Variants in PRKG1 observed in about 807,000 individuals in gnomAD.
PRKG1 encodes protein kinase cGMP-dependent 1.
Under a neutral mutation model 88.1 loss-of-function variants are expected in PRKG1, and 35 were observed. The observed-to-expected ratio is 0.40, with a 90% CI of 0.30 to 0.53. PRKG1 has a LOEUF of 0.53. Ranked by LOEUF, PRKG1 falls within the 20% of genes least tolerant of loss-of-function variation. The pLI, the probability that PRKG1 is intolerant of heterozygous loss-of-function variation, is 0.59. For synonymous variants in PRKG1, 303 were observed against 292.5 expected, an observed-to-expected ratio of 1.04 and a Z score of -0.37; for missense variants, 540 against 839.8, an observed-to-expected ratio of 0.64 and a Z score of 4.41.
intron 3 of PRKG1, among the ~76,000 whole-genome samples, chr10:51,636,318 C>A (rs1201834991): frequency 6.6e-6 from 1 of 152,148 alleles, no homozygotes; most frequent in Non-Finnish European, 1.5e-5. Context: ...TATTCAAAAG[C>A]AAAACCATTG....
intron 3 of PRKG1, among the ~76,000 whole-genome samples, chr10:51,787,599 A>C (rs755464780): frequency 2.6e-5 from 4 of 152,114 alleles, no homozygotes; most frequent in Non-Finnish European, 4.4e-5. Context: ...GTGTATATTT[A>C]TACCTATCTT....
intron 4 of PRKG1, among the ~76,000 whole-genome samples, chr10:51,839,383 C>T (rs1840211614): frequency 6.6e-6 from 1 of 152,134 alleles, no homozygotes; most frequent in South Asian, 2.1e-4. Flanking sequence ...CCCATGCCCA[C>T]CCCACCTCTA....
intron 4 of PRKG1, among the ~76,000 whole-genome samples, chr10:51,859,343 C>T (rs1225135184): frequency 6.6e-6 from 1 of 150,822 alleles, no homozygotes; most frequent in African/African-American, 2.4e-5. Flanking sequence ...CACCTTAAGC[C>T]TTTTTCTTTC....
chr10:51,341,224 C>T (rs542072064), intron 2 of PRKG1, among the ~76,000 whole-genome samples: 32 of 152,026 alleles, frequency 2.1e-4, no homozygotes, highest in Non-Finnish European at 2.9e-4. Context: ...TTTTTAAAGG[C>T]AATTTCTGTG....
chr10:51,344,700 A>G (rs1454002915), intron 2 of PRKG1, among the ~76,000 whole-genome samples: 1 of 152,152 alleles, frequency 6.6e-6, no homozygotes, highest in Non-Finnish European at 1.5e-5. Flanking sequence ...TGTAATATAA[A>G]ATGGGAATTT....
At chr10:51,171,414 A>C (rs1846703346) in intron 2 of PRKG1, among the ~76,000 whole-genome samples, 1 of 152,132 alleles carries the variant, frequency 6.6e-6, no homozygotes, top group African/African-American at 2.4e-5. Context: ...CTGGTGGAGC[A>C]GCTGTACCTC....
At chr10:51,498,436 A>C (rs1361101555) in intron 3 of PRKG1, among the ~76,000 whole-genome samples, 3 of 152,220 alleles carry the variant, frequency 2.0e-5, no homozygotes, top group Non-Finnish European at 4.4e-5. Context: ...AGCAGGCACT[A>C]TCTGTCAAAG....
At chr10:51,942,951 C>T (rs1842942950) in intron 5 of PRKG1, among the ~76,000 whole-genome samples, 1 of 151,730 alleles carries the variant, frequency 6.6e-6, no homozygotes, top group Non-Finnish European at 1.5e-5. Context: ...GTTTTGGTTC[C>T]ATATGAATTT....
intron 7 of PRKG1, among the ~76,000 whole-genome samples, chr10:52,070,598 T>G (rs1846472104): frequency 6.6e-6 from 1 of 152,236 alleles, no homozygotes; most frequent in Non-Finnish European, 1.5e-5. Context: ...TCTCTCATTT[T>G]GTAACTTTTA....
chr10:51,444,230 A>G (rs892867753), intron 2 of PRKG1, among the ~76,000 whole-genome samples: 3 of 151,624 alleles, frequency 2.0e-5, no homozygotes, highest in African/African-American at 7.3e-5. Flanking sequence ...CAGTGAGGGC[A>G]TTTGCATGGA....
intron 2 of PRKG1, among the ~76,000 whole-genome samples, chr10:51,181,275 C>T (rs1253741595): frequency 1.8e-4 from 22 of 124,996 alleles, no homozygotes; most frequent in Non-Finnish European, 2.5e-4. Flanking sequence ...CGCTCTGTCG[C>T]CCAGGCCGGG....
At position 52,106,429 on chromosome 10, in the gene PRKG1, T is replaced by C. The variant is rs578027045; in HGVS notation, c.936-27411T>C. On this transcript the variant is annotated intron_variant, in intron 7 of 17. Transcript: ENST00000373980. ...CGTACTACCTCTGGCAACCTTTTCCTCCAGAAACTCACAGGTTGGTGAGAA... is the reference window on the plus strand; with the variant it reads ...CGTACTACCTCTGGCAACCTTTTCCCCCAGAAACTCACAGGTTGGTGAGAA... Among the ~76,000 whole-genome samples, 3 of 152,206 alleles carry C rather than the reference T, an allele frequency of 2.0e-5. No homozygotes were observed. The South Asian group carries it at 6.2e-4, about 32-fold the overall frequency.
intron 5 of PRKG1, among the ~76,000 whole-genome samples, chr10:52,045,492 A>G (rs1163510085): frequency 6.6e-6 from 1 of 152,118 alleles, no homozygotes; most frequent in Non-Finnish European, 1.5e-5. Flanking sequence ...TAAGTGAGGA[A>G]TGTTTCATCC....
Position 51,506,434 on chromosome 10 carries a change from A to T in PRKG1, c.592+38598A>T, listed in dbSNP as rs10997840. 2.4e-3 allele frequency among the ~76,000 whole-genome samples: 373 copies of T among 152,344 alleles called. 2 individuals are homozygous for T. Among genetic ancestry groups the T allele is most frequent in the South Asian group, 8.1e-3 (39 of 4,826 alleles). On this transcript the variant is annotated intron_variant, in intron 3 of 17. Transcript: ENST00000373980. The stretch of plus-strand genomic sequence containing the variant: ...GACAAAGGGCTAATATCCAGAAACT[A>T]CAATGAACTCAAACAGATTTACAAG...
intron 2 of PRKG1, among the ~76,000 whole-genome samples, chr10:51,428,624 T>C (rs1019015922): frequency 6.6e-6 from 1 of 152,188 alleles, no homozygotes; most frequent in East Asian, 1.9e-4. Context: ...TCTATAGCAT[T>C]TTTGCCTGGG....
rs559963373 is a variant in PRKG1, at chr10:51,276,391, T to C, written c.478+123061T>C. On this transcript the variant is annotated intron_variant, in intron 2 of 17. Coordinates refer to ENST00000373980, the MANE Select transcript of PRKG1 (RefSeq NM_006258.4). ...GTTGGACATTTGGGTTGGTTCCAAGTCTTTACTATTGTGAATAGTGCCGCA... is the reference window on the plus strand; with the variant it reads ...GTTGGACATTTGGGTTGGTTCCAAGCCTTTACTATTGTGAATAGTGCCGCA... Among the ~76,000 whole-genome samples the C allele has an allele frequency of 3.9e-5, 6 of 152,338 alleles. No individual in the cohort carries two copies. In the South Asian group the frequency reaches 1.2e-3, roughly 32 times the overall value.
At chr10:51,108,637 G>A (rs1241496693) in intron 1 of PRKG1, among the ~76,000 whole-genome samples, 1 of 152,102 alleles carries the variant, frequency 6.6e-6, no homozygotes, top group Non-Finnish European at 1.5e-5. Context: ...ACTTCATAAA[G>A]GGCAGTTACA....
intron 1 of PRKG1, among the ~76,000 whole-genome samples, chr10:51,052,356 T>C (rs1843572648): frequency 1.3e-5 from 2 of 152,216 alleles, no homozygotes; most frequent in African/African-American, 2.4e-5. Context: ...GTGTGTTTGG[T>C]GGACTGGATT....
intron 2 of PRKG1, among the ~76,000 whole-genome samples, chr10:51,258,573 G>A (rs1034829763): frequency 2.0e-5 from 3 of 152,168 alleles, no homozygotes; most frequent in Admixed American, 6.5e-5. Context: ...AGCTTCCACT[G>A]TGCATTCTGC....
Sources: gnomAD v4.1 joint callset for allele counts (sites outside exome capture counted in the v4.1 genomes callset) on GRCh38, gnomAD v4.1.1 for gene constraint, MANE v1.5 for transcripts, NCBI Gene and HGNC (gene_info 2026-07-23, HGNC 2026-07-21) for gene names.